Variants in DMC1 observed in about 807,000 individuals in gnomAD.
DMC1 encodes DNA meiotic recombinase 1, also known as meiotic recombination protein DMC1 homolog.
DMC1 carries 27 observed loss-of-function variants against 50.1 expected under a neutral mutation model. The ratio of observed to expected loss-of-function variants is 0.54; its 90% CI spans 0.40 to 0.74. The LOEUF (loss-of-function observed/expected upper bound fraction) is 0.74, where lower values mean the gene tolerates loss of function less well. DMC1 is among the 30% of genes least tolerant of loss of function. DMC1 has a pLI of 0.00. For missense variants in DMC1, 295 were observed against 420.2 expected, an observed-to-expected ratio of 0.70 and a Z score of 2.60; for synonymous variants, 148 against 136.1, an observed-to-expected ratio of 1.09 and a Z score of -0.61.
chr22:38,552,505 G>A (rs1475613357), intron 7 of DMC1, among the ~76,000 whole-genome samples, 161 bp downstream of exon 7: 1 of 152,096 alleles, frequency 6.6e-6, no homozygotes, highest in East Asian at 1.9e-4. Flanking sequence ...CACATTCAAA[G>A]ACCAGCTGTA....
chr22:38,546,480 A>G (rs112078027), intron 8 of DMC1, among the ~76,000 whole-genome samples: 16 of 152,202 alleles, frequency 1.1e-4, no homozygotes, highest in African/African-American at 3.6e-4. Context: ...TCCTTAATCA[A>G]TTGTTTCTGA....
intron 8 of DMC1, among the ~76,000 whole-genome samples, chr22:38,544,876 C>T (rs2090326606): frequency 6.6e-6 from 1 of 151,718 alleles, no homozygotes; most frequent in Non-Finnish European, 1.5e-5. Flanking sequence ...TTGTGATCTG[C>T]CCACCTTGGC....
chr22:38,568,029 A>T (rs746780820), intron 2 of DMC1, among the ~76,000 whole-genome samples, 177 bp downstream of exon 2: 3 of 152,182 alleles, frequency 2.0e-5, no homozygotes, highest in African/African-American at 4.8e-5. Context: ...ATACTTTCAT[A>T]CCAGTTGCTA....
rs748739482 is a variant in DMC1 at position 38,521,593 on chromosome 22, TA to T, written c.953+14del. On this transcript the variant is annotated intron_variant, in intron 13 of 13. Transcript: ENST00000216024. The stretch of plus-strand genomic sequence containing the variant: ...CACACACACACACACACACACAAAA[TA>T]AAAAAAAATTTACCTGTCATAAATC... 3.2e-5 allele frequency: 38 copies of T among 1,199,470 alleles called. No individual in the cohort carries two copies. The highest frequency in any genetic ancestry group is 1.3e-4 in the East Asian group (5 of 37,342). 74.3% of individuals were successfully genotyped at this position (1,199,470 alleles called of 1,614,324 possible). A position where few individuals can be genotyped will look rare whatever the true frequency, so the allele number is the denominator to read the frequency against.
the DMC1 span, among the ~76,000 whole-genome samples, chr22:38,513,818 G>A: frequency 2.0e-5 from 3 of 152,258 alleles, no homozygotes; most frequent in East Asian, 3.9e-4. Context: ...CGCCCTCCTC[G>A]GCCTCTCAAA....
intron 8 of DMC1, among the ~76,000 whole-genome samples, chr22:38,543,118 G>C (rs1013258663): frequency 2.6e-5 from 4 of 152,056 alleles, no homozygotes; most frequent in Non-Finnish European, 5.9e-5. Context: ...GAAGCATTGG[G>C]GAAACTCTGT....
intron 2 of DMC1, 21 bp downstream of exon 2, chr22:38,568,185 C>T: frequency 1.2e-6 from 2 of 1,610,442 alleles, no homozygotes; most frequent in Middle Eastern, 1.7e-4. Context: ...GTCTATATAT[C>T]TTTCAACATT....
the DMC1 span, among the ~76,000 whole-genome samples, chr22:38,509,507 G>A: frequency 6.6e-6 from 1 of 152,176 alleles, no homozygotes; most frequent in Non-Finnish European, 1.5e-5. Context: ...CGAGCAGAGG[G>A]ATGACTTTTT....
At chr22:38,560,640 T>C (rs1336599639) in intron 5 of DMC1, among the ~76,000 whole-genome samples, 1 of 151,978 alleles carries the variant, frequency 6.6e-6, no homozygotes, top group African/African-American at 2.4e-5. Flanking sequence ...TGGTAAGAAA[T>C]AGTTGAATTA....
At chr22:38,521,763 G>T in intron 12 of DMC1, 39 bp from the exon 13 acceptor site, 1 of 1,366,038 alleles carries the variant, frequency 7.3e-7, no homozygotes, top group Non-Finnish European at 1.0e-6. Context: ...TCATCATATG[G>T]ACTATATATG....
At chr22:38,554,571 C>T (rs1303742680) in intron 6 of DMC1, among the ~76,000 whole-genome samples, 2 of 151,892 alleles carry the variant, frequency 1.3e-5, no homozygotes, top group African/African-American at 2.4e-5. Context: ...GGTGCAGTGG[C>T]TCATGCCTGT....
At chr22:38,565,429 G>A (rs2090571534) in intron 4 of DMC1, among the ~76,000 whole-genome samples, 2 of 152,194 alleles carry the variant, frequency 1.3e-5, no homozygotes, top group Non-Finnish European at 2.9e-5. Context: ...CCTTTCCATT[G>A]CAATGACCCA....
chr22:38,513,679 G>A, the DMC1 span, among the ~76,000 whole-genome samples: 1 of 152,194 alleles, frequency 6.6e-6, no homozygotes, highest in Non-Finnish European at 1.5e-5. Flanking sequence ...TCCGGTTCAA[G>A]CGATTTTCTT....
intron 8 of DMC1, among the ~76,000 whole-genome samples, chr22:38,542,975 T>C (rs1334211500): frequency 2.0e-5 from 3 of 152,122 alleles, no homozygotes; most frequent in African/African-American, 4.8e-5. Context: ...CTTCAGTAAA[T>C]GGTGCTGGGA....
At chr22:38,562,739 CAT>C (rs2090540967) in intron 4 of DMC1, among the ~76,000 whole-genome samples, 1 of 151,356 alleles carries the variant, frequency 6.6e-6, no homozygotes, top group East Asian at 1.9e-4. Flanking sequence ...TACATGTACA[CAT>C]ATATACACAC....
chr22:38,563,142 AT>A (rs368636379), intron 4 of DMC1, among the ~76,000 whole-genome samples: 1 of 151,914 alleles, frequency 6.6e-6, no homozygotes, highest in African/African-American at 2.4e-5. Flanking sequence ...CAACAGCATC[AT>A]TTTTTTTCCA....
intron 12 of DMC1, among the ~76,000 whole-genome samples, chr22:38,527,150 C>G (rs2090100762): frequency 6.6e-6 from 1 of 152,128 alleles, no homozygotes; most frequent in African/African-American, 2.4e-5. Flanking sequence ...TTCTGTCTGG[C>G]TTTTTAGCCA....
downstream of DMC1, among the ~76,000 whole-genome samples, chr22:38,517,695 A>G (rs1410211518): frequency 1.3e-5 from 2 of 152,252 alleles, no homozygotes; most frequent in African/African-American, 2.4e-5. Context: ...CTAGGACAAA[A>G]GTGTGCCTTT....
At chr22:38,552,363 A>T (rs1374575414) in intron 7 of DMC1, among the ~76,000 whole-genome samples, 1 of 152,240 alleles carries the variant, frequency 6.6e-6, no homozygotes, top group Non-Finnish European at 1.5e-5. Context: ...CTTCTAAAAA[A>T]GATATAGAAA....
Sources: allele counts gnomAD v4.1 joint callset (sites outside exome capture counted in the v4.1 genomes callset), GRCh38; gene constraint gnomAD v4.1.1; transcripts MANE v1.5; gene names NCBI Gene and HGNC (gene_info 2026-07-23, HGNC 2026-07-21).